Variants in SVIL observed in about 807,000 individuals in gnomAD.
The protein encoded by SVIL is archvillin.
Under a neutral mutation model 240.4 loss-of-function variants are expected in SVIL, and 101 were observed. That is an observed-to-expected ratio of 0.42 (90% CI 0.36 to 0.50). The LOEUF (loss-of-function observed/expected upper bound fraction) is 0.50, where lower values mean the gene tolerates loss of function less well. Among genes scored for constraint, SVIL ranks in the 20% least tolerant of loss-of-function variants. SVIL has a pLI of 0.01. For missense variants in SVIL, 2,512 were observed against 2,818.7 expected (o/e 0.89, Z 2.46); for synonymous variants, 999 against 1,100.0 (o/e 0.91, Z 1.82).
chr10:29,594,981 G>C (rs1956529186), intron 1 of SVIL, among the ~76,000 whole-genome samples: 1 of 152,246 alleles, frequency 6.6e-6, no homozygotes, highest in African/African-American at 2.4e-5. Flanking sequence ...GTAAACCCCT[G>C]AAGGGGAGGG....
rs542528679 is a variant in SVIL, at chr10:29,552,261, T to C, written c.161-998A>G. Among the ~76,000 whole-genome samples, 7 of 152,206 alleles carry C rather than the reference T, an allele frequency of 4.6e-5. No individual in the cohort carries two copies. The East Asian group carries it at 1.4e-3, about 29-fold the overall frequency. ...CTATAAAAATATTTTCCGTATTCTA[T>C]AAAAATGTTTTCCCAGCTGGCTCAC... On this transcript the variant is annotated intron_variant, in intron 5 of 37. Coordinates refer to ENST00000355867, the MANE Select transcript of SVIL (RefSeq NM_021738.3).
chr10:29,582,840 TTCAGAGC>T (rs1344884682), intron 1 of SVIL, among the ~76,000 whole-genome samples: 1 of 152,078 alleles, frequency 6.6e-6, no homozygotes, highest in East Asian at 1.9e-4. Context: ...ATGCCACACC[TTCAGAGC>T]TGCGGGGGCC....
chr10:29,641,235 C>A (rs1429537604), intron 3 of SVIL, among the ~76,000 whole-genome samples: 1 of 151,692 alleles, frequency 6.6e-6, no homozygotes, highest in Non-Finnish European at 1.5e-5. Flanking sequence ...GAGACCCCAT[C>A]TCTTTAAAAA....
rs866392042 is a variant in SVIL, at chr10:29,471,264, A to G, written c.5530-21T>C. The G allele has an allele frequency of 1.9e-6, 3 of 1,593,376 alleles. No homozygotes were observed. The South Asian group carries it at 3.3e-5, about 18-fold the overall frequency. ...TGGACCTTCCGATTTAAACAGAGGTAAATAGGTAAGGGGCGCGGGGCTTTC... is the reference window on the plus strand; with the variant it reads ...TGGACCTTCCGATTTAAACAGAGGTGAATAGGTAAGGGGCGCGGGGCTTTC... On this transcript the variant is annotated intron_variant, in intron 30 of 37. Coordinates refer to ENST00000355867, the MANE Select transcript of SVIL (RefSeq NM_021738.3).
chr10:29,459,065 C>T (rs945634313), intron 36 of SVIL, among the ~76,000 whole-genome samples: 9 of 149,290 alleles, frequency 6.0e-5, no homozygotes, highest in African/African-American at 1.5e-4. Flanking sequence ...TGGCCTCAAG[C>T]GATCCTCCTG....
chr10:29,522,377 G>A (rs201660619), intron 16 of SVIL, 33 bp downstream of exon 16: 2 of 1,608,508 alleles, frequency 1.2e-6, no homozygotes, highest in African/African-American at 1.3e-5. Context: ...TCCTCCCCGA[G>A]AGAATTACTT....
chr10:29,537,578 G>T (rs1951831646), intron 6 of SVIL, among the ~76,000 whole-genome samples: 1 of 152,198 alleles, frequency 6.6e-6, no homozygotes, highest in South Asian at 2.1e-4. Context: ...CTACAGGCTA[G>T]TTACAATGTT....
chr10:29,471,212 CAG>C lies in SVIL; in HGVS notation c.5559_5560del (p.Cys1854PhefsTer26), dbSNP rs776341992. ...CCCCCCCTGGAAACACTGCAGGAAA[CAG>C]GGGGGCTCCTTTCCCTGGAGAACCT... On this transcript the variant is annotated frameshift_variant, in exon 31 of 38. Coordinates refer to ENST00000355867, the MANE Select transcript of SVIL (RefSeq NM_021738.3). LOFTEE classifies it high-confidence loss of function. 1.7e-5 allele frequency: 27 copies of C among 1,613,290 alleles called. No homozygotes were observed. The highest frequency in any genetic ancestry group is 2.7e-5 in the African/African-American group (2 of 75,034).
chr10:29,554,821 C>T lies in SVIL; in HGVS notation c.122G>A (p.Arg41Gln), dbSNP rs771476631. 4.3e-5 allele frequency: 69 copies of T among 1,613,060 alleles called. 1 individual carries two copies. In the South Asian group the frequency reaches 6.1e-4, roughly 14 times the overall value. The change falls in exon 5 of 38, where the codon CGA becomes CAA. Residue 41 changes from arginine (R) to glutamine (Q), a missense_variant. Transcript: ENST00000355867. ...GGCAGGGTCGCTGGCTCTCATGTAT[C>T]GAGGGGTGTCTTCCTCCAGCAGGCG... ...THRLLEEDTP[R>Q]YMRASDPASP...
At chr10:29,547,072 A>T (rs1952761747) in intron 6 of SVIL, among the ~76,000 whole-genome samples, 1 of 152,130 alleles carries the variant, frequency 6.6e-6, no homozygotes, top group Non-Finnish European at 1.5e-5. Context: ...TTCTTTTGTT[A>T]CTGTTTTGGG....
At chr10:29,610,718 G>T (rs1408929266) in intron 1 of SVIL, among the ~76,000 whole-genome samples, 1 of 152,116 alleles carries the variant, frequency 6.6e-6, no homozygotes, top group Non-Finnish European at 1.5e-5. Context: ...ACTGCACCCT[G>T]CCCATTCTAC....
rs1208305616 is a variant in SVIL, at chr10:29,634,911, T to A, written c.-692A>T. 6.6e-6 allele frequency: 1 copy of A among 152,092 alleles called. No homozygotes were observed. The highest frequency in any genetic ancestry group is 1.5e-5 in the Non-Finnish European group (1 of 68,008). The allele number at this position is 152,092 out of a possible 1,614,324, so 9.4% of individuals were successfully genotyped here. ...TGGCCTCGGTGGAGCCATCCATTACTGGGCAAATCCACATGAAACCTGAGG... is the reference window on the plus strand; with the variant it reads ...TGGCCTCGGTGGAGCCATCCATTACAGGGCAAATCCACATGAAACCTGAGG... On this transcript the variant is annotated 5_prime_UTR_variant, in exon 1 of 38. Transcript: ENST00000355867.
chr10:29,719,791 T>A (rs1564359643), intron 1 of SVIL, among the ~76,000 whole-genome samples: 1 of 151,762 alleles, frequency 6.6e-6, no homozygotes, highest in East Asian at 1.9e-4. Flanking sequence ...AAAGAAAGTT[T>A]AAAAAAAATG....
Position 29,529,721 on chromosome 10 carries a change from C to G in SVIL, c.2230G>C (p.Val744Leu). 2.5e-6 allele frequency: 4 copies of G among 1,609,188 alleles called. No homozygotes were observed. Among genetic ancestry groups the G allele is most frequent in the Non-Finnish European group, 3.4e-6 (4 of 1,178,266 alleles). Reference protein sequence around the residue: ...SLTQPITTEEVVIAATEPIPA... With the variant: ...SLTQPITTEELVIAATEPIPA... ...GGCACTTACGTGGCTGCGATGACCA[C>G]CTCTTCAGTGGTGATGGGCTGGGTG... is the stretch of plus-strand genomic sequence containing the variant. The change falls in exon 12 of 38, where the codon GTG becomes CTG. Residue 744 changes from valine to leucine, a missense_variant. By Grantham distance (32) the Val-to-Leu change is conservative (BLOSUM62 1). Around this residue, in one of 3 missense-constraint regions of SVIL, gnomAD observed 1,443 missense variants for 1,486.6 expected, o/e 0.97. Transcript: ENST00000355867.
chr10:29,728,649 G>A (rs1964427378), intron 1 of SVIL, among the ~76,000 whole-genome samples: 2 of 152,158 alleles, frequency 1.3e-5, no homozygotes, highest in Admixed American at 1.3e-4. Context: ...GAGTAGAGCA[G>A]CCTTGGATAG....
intron 3 of SVIL, among the ~76,000 whole-genome samples, chr10:29,640,898 C>T (rs1318710115): frequency 6.6e-6 from 1 of 152,174 alleles, no homozygotes; most frequent in East Asian, 1.9e-4. Context: ...CCTGCCTGCT[C>T]ACTCCCAATA....
At chr10:29,700,241 A>G (rs534021935) in intron 1 of SVIL, among the ~76,000 whole-genome samples, 1 of 152,300 alleles carries the variant, frequency 6.6e-6, no homozygotes, top group East Asian at 1.9e-4. Flanking sequence ...AATAAAGATC[A>G]TCCTAAGTCA....
chr10:29,575,668 A>G (rs1398005692), intron 1 of SVIL, among the ~76,000 whole-genome samples: 1 of 151,686 alleles, frequency 6.6e-6, no homozygotes, highest in African/African-American at 2.4e-5. Context: ...GTGAGCGGCT[A>G]CCTTTGCCGG....
Position 29,524,523 on chromosome 10 carries a change from T to C in SVIL, c.2535A>G (p.Arg845=). The C allele has an allele frequency of 6.2e-7, 1 of 1,614,152 alleles. No homozygotes were observed. The change falls in exon 14 of 38, where the codon AGA becomes AGG. Residue 845 remains arginine, a synonymous_variant. Transcript: ENST00000355867. Reference sequence around the variant, plus strand: ...GCTGAGTTTGATAGCGAGCGTTCATTCTCCTCTGTCTCGTGTCTATTCTGT... The same window carrying C: ...GCTGAGTTTGATAGCGAGCGTTCATCCTCCTCTGTCTCGTGTCTATTCTGT... The part of the protein sequence containing the change: ...TRNRIDTRQR[R]MNARYQTQPV...
Sources: allele counts gnomAD v4.1 joint callset (sites outside exome capture counted in the v4.1 genomes callset), GRCh38; gene constraint gnomAD v4.1.1; regional missense constraint gnomAD v4.1.1; transcripts MANE v1.5; gene names NCBI Gene and HGNC (gene_info 2026-07-23, HGNC 2026-07-21).